Variants in AFAP1L2 observed in about 807,000 individuals in gnomAD.
AFAP1L2 encodes actin filament-associated protein 1-like 2.
AFAP1L2 carries 46 observed loss-of-function variants against 99.3 expected under a neutral mutation model. The observed-to-expected ratio is 0.46, with a 90% CI of 0.37 to 0.59. The LOEUF (loss-of-function observed/expected upper bound fraction) is 0.59. Among genes scored for constraint, AFAP1L2 ranks in the 20% least tolerant of loss-of-function variants. AFAP1L2 has a pLI of 0.00. For synonymous variants in AFAP1L2, 397 were observed against 419.1 expected (o/e 0.95, Z 0.64); for missense variants, 959 against 1,034.9 (o/e 0.93, Z 1.01).
intron 1 of AFAP1L2, among the ~76,000 whole-genome samples, chr10:114,342,548 A>G (rs112560990): frequency 1.8e-3 from 267 of 152,348 alleles, no homozygotes; most frequent in South Asian, 5.0e-3. Flanking sequence ...AGGTGAGCAC[A>G]GTGTAATCAC....
chr10:114,360,541 A>C (rs558524686), intron 1 of AFAP1L2, among the ~76,000 whole-genome samples: 2 of 151,588 alleles, frequency 1.3e-5, no homozygotes, highest in African/African-American at 4.9e-5. Context: ...AGATAGATAG[A>C]TAGATAGATA....
At chr10:114,353,104 G>C (rs1179224727) in intron 1 of AFAP1L2, among the ~76,000 whole-genome samples, 1 of 152,218 alleles carries the variant, frequency 6.6e-6, no homozygotes. Flanking sequence ...GACTGGCTTA[G>C]AGACAGACCC....
chr10:114,384,818 G>C (rs1021200082), intron 1 of AFAP1L2, among the ~76,000 whole-genome samples: 1 of 152,194 alleles, frequency 6.6e-6, no homozygotes, highest in South Asian at 2.1e-4. Flanking sequence ...GCAGTGCGGG[G>C]CCCACACACT....
At chr10:114,344,615 A>C (rs1294981773) in intron 1 of AFAP1L2, among the ~76,000 whole-genome samples, 2 of 152,224 alleles carry the variant, frequency 1.3e-5, no homozygotes, top group East Asian at 1.9e-4. Flanking sequence ...GGTGACCCCA[A>C]GGGGTCCTCA....
In AFAP1L2 at chr10:114,313,908, C is replaced by A. The variant is rs778426697; in HGVS notation, c.755G>T (p.Gly252Val). 1.1e-5 allele frequency: 18 copies of A among 1,613,768 alleles called. No individual in the cohort carries two copies. Among genetic ancestry groups the A allele is most frequent in the Non-Finnish European group, 1.5e-5 (18 of 1,179,898 alleles). ...CTCAGCCTGGTCCTTGCTCTGCAGG[C>A]CCAGCACAATCACATCGGCATTCAT... ...TPMNADVIVL[G>V]LQSKDQAEQW... Residue 252 changes from glycine (G) to valine (V), a missense_variant, in exon 7 of 19, where the codon GGC (glycine) becomes GTC (valine). Gly to Val is a moderately radical substitution (Grantham distance 109). Around this residue, in one of 2 missense-constraint regions of AFAP1L2, gnomAD observed 383 missense variants for 472.8 expected, o/e 0.81. Coordinates refer to ENST00000304129, the MANE Select transcript of AFAP1L2 (RefSeq NM_001001936.3).
chr10:114,364,630 T>C (rs2052935728), intron 1 of AFAP1L2, among the ~76,000 whole-genome samples: 1 of 152,192 alleles, frequency 6.6e-6, no homozygotes, highest in African/African-American at 2.4e-5. Flanking sequence ...CTTGATTACA[T>C]TTGCTAAGAC....
At chr10:114,333,105 G>T in intron 3 of AFAP1L2, 116 bp downstream of exon 3, 1 of 947,064 alleles carries the variant, frequency 1.1e-6, no homozygotes. Flanking sequence ...AAATAACTCC[G>T]CCAGGCGGGT....
At position 114,300,200 on chromosome 10, in the gene AFAP1L2, T is replaced by A. The variant is rs1390024694; in HGVS notation, c.1951A>T (p.Ser651Cys). The A allele has an allele frequency of 6.2e-7, 1 of 1,614,204 alleles. No homozygotes were observed. The highest frequency in any genetic ancestry group is 1.3e-5 in the African/African-American group (1 of 75,048). The change falls in exon 15 of 19, where the codon AGT (serine) becomes TGT (cysteine). Residue 651 changes from serine (S) to cysteine (C), a missense_variant. Physicochemically the swap from Ser to Cys is moderately radical, Grantham distance 112. Around this residue, in one of 2 missense-constraint regions of AFAP1L2, gnomAD observed 576 missense variants for 562.1 expected, o/e 1.02. Transcript: ENST00000304129. ...CTTCCCCAAGCACAAGTACCTGCAC[T>A]GGTCACGCGCAACCTGTCCTTCACA... ...PPVKDRLRVT[S>C]AEIKLGKNRT...
At chr10:114,305,388 T>TGAA (rs1564807706) in intron 10 of AFAP1L2, among the ~76,000 whole-genome samples, 1 of 127,598 alleles carries the variant, frequency 7.8e-6, no homozygotes, top group African/African-American at 3.0e-5. Context: ...AGAGCGGGGC[T>TGAA]GCAGGAGGGG....
chr10:114,286,031 G>T, the AFAP1L2 span: 1 of 1,614,184 alleles, frequency 6.2e-7, no homozygotes, highest in Non-Finnish European at 8.5e-7. Context: ...GCGGGCCAAA[G>T]TCTTCGTGAA....
At position 114,297,350 on chromosome 10, in the gene AFAP1L2, T is replaced by C. The variant is rs752301561; in HGVS notation, c.2177A>G (p.Glu726Gly). 5.6e-6 allele frequency: 9 copies of C among 1,613,796 alleles called. No homozygotes were observed. The East Asian group carries it at 1.8e-4, about 32-fold the overall frequency. Reference protein sequence around the residue: ...LKEIDEECRGEESRRVDLELS... With the variant: ...LKEIDEECRGGESRRVDLELS... ...CTCCAGGTCCACGCGCCTGCTCTCC[T>C]CGCCCCGGCACTCCTCGTCAATTTC... Residue 726 changes from glutamate to glycine, a missense_variant, in exon 17 of 19, where the codon GAG becomes GGG. Coordinates refer to ENST00000304129, the MANE Select transcript of AFAP1L2 (RefSeq NM_001001936.3).
intron 1 of AFAP1L2, chr10:114,362,919 T>C (rs1181546260): frequency 3.1e-6 from 3 of 977,586 alleles, no homozygotes; most frequent in Non-Finnish European, 3.6e-6. Context: ...CCTCCATCTG[T>C]GCCATAGATA....
At chr10:114,378,823 C>T (rs570154863) in intron 1 of AFAP1L2, among the ~76,000 whole-genome samples, 11 of 152,320 alleles carry the variant, frequency 7.2e-5, no homozygotes, top group African/African-American at 2.6e-4. Context: ...GAAGTGACTA[C>T]CTGTCTAGCT....
chr10:114,292,949 C>G (rs919921605), downstream of AFAP1L2, among the ~76,000 whole-genome samples: 1 of 152,174 alleles, frequency 6.6e-6, no homozygotes, highest in African/African-American at 2.4e-5. Flanking sequence ...TCAGGTGATC[C>G]CCCTGCCTTG....
intron 1 of AFAP1L2, among the ~76,000 whole-genome samples, chr10:114,356,651 C>A (rs918284086): frequency 4.6e-5 from 7 of 152,062 alleles, no homozygotes; most frequent in Non-Finnish European, 8.8e-5. Flanking sequence ...CTGATTAAAA[C>A]AAAACAAAAC....
intron 1 of AFAP1L2, among the ~76,000 whole-genome samples, chr10:114,343,550 AG>A (rs2049092957): frequency 6.6e-6 from 1 of 152,166 alleles, no homozygotes; most frequent in African/African-American, 2.4e-5. Flanking sequence ...ATAACCAGCA[AG>A]GAGGGAGGGA....
In AFAP1L2 at chr10:114,300,232, CTGGCACCAGGTGGGG is replaced by C; in HGVS notation, c.1904_1918del (p.Thr635_Ala639del). On this transcript the variant is annotated inframe_deletion, in exon 15 of 19. Coordinates refer to ENST00000304129, the MANE Select transcript of AFAP1L2 (RefSeq NM_001001936.3). ...GCGCAACCTGTCCTTCACAGGTGGG[CTGGCACCAGGTGGGG>C]TGGCCACCACGGCATCCGGGCAGCT... 6.2e-7 allele frequency: 1 copy of C among 1,614,196 alleles called. No individual in the cohort carries two copies. Among genetic ancestry groups the C allele is most frequent in the Non-Finnish European group, 8.5e-7 (1 of 1,180,028 alleles).
At chr10:114,340,513 C>G (rs2048662345) in intron 2 of AFAP1L2, 90 bp downstream of exon 2, 2 of 1,474,232 alleles carry the variant, frequency 1.4e-6, no homozygotes, top group Admixed American at 4.4e-5. Context: ...TAGCACCCAG[C>G]CTGTGATCCT....
At chr10:114,335,244 A>G (rs979837431) in intron 2 of AFAP1L2, among the ~76,000 whole-genome samples, 5 of 152,180 alleles carry the variant, frequency 3.3e-5, no homozygotes, top group African/African-American at 1.2e-4. Flanking sequence ...CCTACAGATA[A>G]ACTCTAGCAT....
Sources: allele counts gnomAD v4.1 joint callset (sites outside exome capture counted in the v4.1 genomes callset), GRCh38; gene constraint gnomAD v4.1.1; regional missense constraint gnomAD v4.1.1; transcripts MANE v1.5; gene names NCBI Gene and HGNC (gene_info 2026-07-23, HGNC 2026-07-21).